DYNC1I1: variants seen among roughly 807,000 people sequenced by gnomAD.
DYNC1I1 encodes dynein cytoplasmic 1 intermediate chain 1.
DYNC1I1 carries 43 observed loss-of-function variants against 86.6 expected under a neutral mutation model. The observed-to-expected ratio is 0.50, with a 90% CI of 0.39 to 0.64. The LOEUF is 0.64. Among genes scored for constraint, DYNC1I1 ranks in the 30% least tolerant of loss-of-function variants. The pLI is 0.00. For synonymous variants in DYNC1I1, 262 were observed against 283.7 expected, an observed-to-expected ratio of 0.92 and a Z score of 0.77; for missense variants, 604 against 788.8, an observed-to-expected ratio of 0.77 and a Z score of 2.81.
intron 5 of DYNC1I1, among the ~76,000 whole-genome samples, chr7:95,867,671 A>G (rs996805973): frequency 6.6e-6 from 1 of 152,182 alleles, no homozygotes; most frequent in Non-Finnish European, 1.5e-5. Context: ...GGTAGCTACC[A>G]CTTAACCAGA....
chr7:96,086,214 C>G (rs1324604013), intron 16 of DYNC1I1, among the ~76,000 whole-genome samples: 1 of 152,204 alleles, frequency 6.6e-6, no homozygotes, highest in Admixed American at 6.5e-5. Flanking sequence ...CCCCTAACAA[C>G]TATGTTTGCT....
rs1416835235 is a variant in DYNC1I1 at position 95,785,765 on chromosome 7, G to GTGTGTA, written c.-10+13000_-10+13005dup. Reference sequence around the variant, plus strand: ...TATATATGTGTGTATGTATATATATGTGTGTATGTGTATATATATATATAT... The same window carrying GTGTGTA: ...TATATATGTGTGTATGTATATATATGTGTGTATGTGTATGTGTATATATATATATAT... On this transcript the variant is annotated intron_variant, in intron 1 of 16. Transcript: ENST00000447467. Among the ~76,000 whole-genome samples, 62 of 95,638 alleles carry GTGTGTA rather than the reference G, an allele frequency of 6.5e-4. 1 individual carries two copies. The highest frequency in any genetic ancestry group is 3.2e-3 in the East Asian group (10 of 3,092). The allele number at this position is 95,638 out of a possible 152,430, so 62.7% of individuals were successfully genotyped here. A position where few individuals can be genotyped will look rare whatever the true frequency, so the allele number is the denominator to read the frequency against.
intron 6 of DYNC1I1, among the ~76,000 whole-genome samples, chr7:95,950,682 A>G (rs888484379): frequency 1.2e-4 from 18 of 152,174 alleles, no homozygotes; most frequent in African/African-American, 4.1e-4. Flanking sequence ...GGAGTCAAAG[A>G]GACAAGGAAA....
chr7:96,097,807 T>A lies in DYNC1I1; in HGVS notation c.*214T>A. On this transcript the variant is annotated 3_prime_UTR_variant, in exon 17 of 17. Transcript: ENST00000447467. ...CACCACAGCATTTCTATCTTTATAT[T>A]TCTGTCTCAAAAATGAAGAGAAGGG... 1 of 1,283,524 alleles carries A rather than the reference T, an allele frequency of 7.8e-7. No homozygotes were observed. The highest frequency in any genetic ancestry group is 3.1e-4 in the Middle Eastern group (1 of 3,272). The allele number at this position is 1,283,524 out of a possible 1,614,324, so 79.5% of individuals were successfully genotyped here. A position where few individuals can be genotyped will look rare whatever the true frequency, so the allele number is the denominator to read the frequency against.
At chr7:95,866,693 T>G (rs1198854321) in intron 5 of DYNC1I1, among the ~76,000 whole-genome samples, 1 of 152,220 alleles carries the variant, frequency 6.6e-6, no homozygotes, top group Non-Finnish European at 1.5e-5. Flanking sequence ...TAAATGCAGC[T>G]TCATCCATCC....
At chr7:95,828,890 G>C (rs1384644113) in intron 5 of DYNC1I1, among the ~76,000 whole-genome samples, 1 of 152,112 alleles carries the variant, frequency 6.6e-6, no homozygotes, top group Non-Finnish European at 1.5e-5. Flanking sequence ...TCAAGCTCAG[G>C]AGAGCTGATT....
At chr7:96,082,185 AT>A (rs1484332465) in intron 16 of DYNC1I1, among the ~76,000 whole-genome samples, 4 of 152,044 alleles carry the variant, frequency 2.6e-5, no homozygotes, top group African/African-American at 9.7e-5. Context: ...TATCTTTCTC[AT>A]GGCCCTCATC....
At chr7:95,966,600 C>T (rs1053601919) in intron 6 of DYNC1I1, among the ~76,000 whole-genome samples, 4 of 152,226 alleles carry the variant, frequency 2.6e-5, no homozygotes, top group African/African-American at 9.6e-5. Flanking sequence ...GACTCTACTG[C>T]TGCGTGTAGC....
intron 6 of DYNC1I1, among the ~76,000 whole-genome samples, chr7:95,955,424 G>A (rs1792685329): frequency 6.6e-6 from 1 of 152,010 alleles, no homozygotes; most frequent in Non-Finnish European, 1.5e-5. Context: ...CTGGGTGCAA[G>A]CAATTCTCCC....
intron 6 of DYNC1I1, among the ~76,000 whole-genome samples, chr7:95,888,937 G>A (rs193087453): frequency 1.1e-3 from 170 of 152,238 alleles, no homozygotes; most frequent in Middle Eastern, 0.01. Context: ...CGTGACACAA[G>A]GAATTTTGAT....
rs144359631 is a variant in DYNC1I1 at position 95,786,977 on chromosome 7, T to A, written c.-10+14204T>A. Among the ~76,000 whole-genome samples, 142 of 152,330 alleles carry A rather than the reference T, an allele frequency of 9.3e-4. 11 individuals carry two copies. Among genetic ancestry groups the A allele is most frequent in the Non-Finnish European group, 4.4e-5 (3 of 68,024 alleles). On this transcript the variant is annotated intron_variant, in intron 1 of 16. Coordinates refer to ENST00000447467, the MANE Select transcript of DYNC1I1 (RefSeq NM_001135556.2). The stretch of plus-strand genomic sequence containing the variant: ...TCTTACCTGTAGTCAGCTATCATAC[T>A]GCAGCTGATCAGGACCAGCAGTTAG...
intron 5 of DYNC1I1, among the ~76,000 whole-genome samples, chr7:95,862,770 G>A (rs1789920119): frequency 6.6e-6 from 1 of 152,072 alleles, no homozygotes; most frequent in African/African-American, 2.4e-5. Context: ...CATATCCTCG[G>A]GGGATTGGTT....
chr7:95,953,246 A>G (rs1792607248), intron 6 of DYNC1I1, among the ~76,000 whole-genome samples: 2 of 151,706 alleles, frequency 1.3e-5, no homozygotes, highest in African/African-American at 4.9e-5. Flanking sequence ...CATCTTTTGG[A>G]AATAAAATTC....
rs866865745 is a variant in DYNC1I1 at position 96,032,926 on chromosome 7, G to C, written c.1230+146G>C. On this transcript the variant is annotated intron_variant, in intron 12 of 16. Transcript: ENST00000447467. ...CTTGAAAGAGTGGGGCCTGCTTTCA[G>C]CAATCTTCTCTTGAAGCCAAAACCC... The C allele has an allele frequency of 6.4e-5, 40 of 628,442 alleles. 1 individual carries two copies. The Middle Eastern group carries it at 2.1e-3, about 34-fold the overall frequency. The allele number at this position is 628,442 out of a possible 1,614,324, so 38.9% of individuals were successfully genotyped here.
At chr7:95,995,693 T>C (rs1342893977) in intron 9 of DYNC1I1, among the ~76,000 whole-genome samples, 1 of 152,070 alleles carries the variant, frequency 6.6e-6, no homozygotes, top group African/African-American at 2.4e-5. Flanking sequence ...TAGCACAAAG[T>C]GTCAAATAAT....
intron 6 of DYNC1I1, among the ~76,000 whole-genome samples, chr7:95,961,927 C>T (rs1792880593): frequency 6.6e-6 from 1 of 152,176 alleles, no homozygotes; most frequent in East Asian, 1.9e-4. Context: ...GTTTGTCTTC[C>T]CTTGACCTTG....
chr7:95,834,140 G>A (rs375357541), intron 5 of DYNC1I1, among the ~76,000 whole-genome samples: 16 of 60,456 alleles, frequency 2.6e-4, no homozygotes, highest in African/African-American at 1.3e-3. Context: ...TTTGAAATAC[G>A]TCCCATCAAT....
At chr7:95,846,625 C>CTGTGTG (rs1461596857) in intron 5 of DYNC1I1, among the ~76,000 whole-genome samples, 2,992 of 132,440 alleles carry the variant, frequency 0.023, 56 homozygotes, top group Middle Eastern at 0.039. Flanking sequence ...AAATCTCTCT[C>CTGTGTG]TCTGTGTGTG....
intron 6 of DYNC1I1, among the ~76,000 whole-genome samples, chr7:95,931,846 A>G (rs551741659): frequency 2.6e-5 from 4 of 152,354 alleles, no homozygotes; most frequent in African/African-American, 9.6e-5. Flanking sequence ...ATTTAAATTA[A>G]TATACAGCTA....
Sources: gnomAD v4.1 joint callset for allele counts (sites outside exome capture counted in the v4.1 genomes callset) on GRCh38, gnomAD v4.1.1 for gene constraint, MANE v1.5 for transcripts, NCBI Gene and HGNC (gene_info 2026-07-23, HGNC 2026-07-21) for gene names.